The following CHST11 variants were observed in gnomAD, a reference collection of about 807,000 sequenced individuals.
CHST11 encodes carbohydrate sulfotransferase 11, also known as C4S-1.
A neutral mutation model predicts 30.4 loss-of-function variants in CHST11; 9 were observed. That is an observed-to-expected ratio of 0.30 (90% CI 0.18 to 0.52). The LOEUF (loss-of-function observed/expected upper bound fraction) is 0.52. Among genes scored for constraint, CHST11 ranks in the 20% least tolerant of loss-of-function variants. The probability of loss-of-function intolerance (pLI) is 0.97; values close to 1 mark genes in which losing one functional copy is unlikely to be tolerated. For synonymous variants in CHST11, 152 were observed against 187.8 expected (o/e 0.81, Z 1.56); for missense variants, 348 against 460.6 (o/e 0.76, Z 2.24).
At chr12:104,465,228 T>G (rs1215423883) in intron 1 of CHST11, among the ~76,000 whole-genome samples, 2 of 152,232 alleles carry the variant, frequency 1.3e-5, no homozygotes, top group African/African-American at 4.8e-5. Context: ...TCTTGAGTAC[T>G]TGCTTCTCAA....
rs916215715 is a variant in CHST11, at chr12:104,673,714, C to G, written c.204+71723C>G. ...CATGTAGCACAGCACATTCACAAACCGTTTGTTTCGACTTTTCGACCTACT... is the reference window on the plus strand; with the variant it reads ...CATGTAGCACAGCACATTCACAAACGGTTTGTTTCGACTTTTCGACCTACT... On this transcript the variant is annotated intron_variant, in intron 2 of 2. Coordinates refer to ENST00000303694, the MANE Select transcript of CHST11 (RefSeq NM_018413.6). 3.9e-5 allele frequency among the ~76,000 whole-genome samples: 6 copies of G among 152,180 alleles called. No homozygotes were observed. The South Asian group carries it at 1.2e-3, about 32-fold the overall frequency.
At chr12:104,473,908 A>G (rs1593954271) in intron 1 of CHST11, among the ~76,000 whole-genome samples, 2 of 152,050 alleles carry the variant, frequency 1.3e-5, no homozygotes, top group African/African-American at 4.8e-5. Context: ...TTAAAACATC[A>G]CCATCATCAC....
intron 1 of CHST11, among the ~76,000 whole-genome samples, chr12:104,496,325 C>A (rs189204588): frequency 2.0e-5 from 3 of 152,176 alleles, no homozygotes; most frequent in African/African-American, 7.2e-5. Context: ...AATAAAAAAT[C>A]AATGTGACAC....
rs1387059529 is a variant in CHST11, at chr12:104,757,318, C to T, written c.574C>T (p.Leu192=). 6.2e-7 allele frequency: 1 copy of T among 1,614,012 alleles called. No individual in the cohort carries two copies. Among genetic ancestry groups the T allele is most frequent in the Non-Finnish European group, 8.5e-7 (1 of 1,180,054 alleles). ...FLFVREPFER[L]VSAYRNKFTQ... ...GTTTGTCCGGGAGCCCTTCGAGAGGCTAGTGTCCGCCTACCGCAACAAGTT... is the reference window on the plus strand; with the variant it reads ...GTTTGTCCGGGAGCCCTTCGAGAGGTTAGTGTCCGCCTACCGCAACAAGTT... The change falls in exon 3 of 3, where the codon CTA becomes TTA. Residue 192 remains leucine (L), a synonymous_variant. Transcript: ENST00000303694. The surrounding 1 kb of genome is among the most constrained non-coding windows in gnomAD (Gnocchi z 6.5).
chr12:104,745,503 C>T (rs2040382954), intron 2 of CHST11, among the ~76,000 whole-genome samples: 1 of 152,214 alleles, frequency 6.6e-6, no homozygotes, highest in Non-Finnish European at 1.5e-5. Flanking sequence ...ATAGGAATAG[C>T]ATTGAATATA....
chr12:104,731,033 C>T (rs1056555796), intron 2 of CHST11, among the ~76,000 whole-genome samples: 11 of 152,208 alleles, frequency 7.2e-5, no homozygotes, highest in Non-Finnish European at 1.2e-4. Flanking sequence ...ATTTGCTGTC[C>T]GTGCTCCACT....
intron 2 of CHST11, chr12:104,602,242 T>C: frequency 1.9e-6 from 1 of 518,404 alleles, no homozygotes. Context: ...GGGTTTGAAC[T>C]CCTGAGATTA....
intron 2 of CHST11, among the ~76,000 whole-genome samples, chr12:104,609,377 T>C (rs1193920407): frequency 6.6e-6 from 1 of 152,208 alleles, no homozygotes; most frequent in African/African-American, 2.4e-5. Context: ...GGAGAATGCT[T>C]CATTATTAAT....
chr12:104,554,499 G>A (rs561213779), intron 1 of CHST11, among the ~76,000 whole-genome samples: 1 of 152,194 alleles, frequency 6.6e-6, no homozygotes, highest in Non-Finnish European at 1.5e-5. Context: ...ATGATTCAGG[G>A]TATGTTCCTT....
intron 1 of CHST11, among the ~76,000 whole-genome samples, chr12:104,507,321 G>A (rs117993601): frequency 6.6e-6 from 1 of 152,210 alleles, no homozygotes; most frequent in Admixed American, 6.5e-5. Context: ...CCCCACCTGG[G>A]AGCCAGGCAG....
At chr12:104,696,202 T>G (rs552731506) in intron 2 of CHST11, among the ~76,000 whole-genome samples, 2 of 152,186 alleles carry the variant, frequency 1.3e-5, no homozygotes, top group East Asian at 3.9e-4. Context: ...CTTTTTTCCT[T>G]TTGTCTACTT....
chr12:104,602,651 T>C (rs929489882), intron 2 of CHST11, among the ~76,000 whole-genome samples: 1 of 152,202 alleles, frequency 6.6e-6, no homozygotes, highest in Non-Finnish European at 1.5e-5. Flanking sequence ...TGTGTGGGTC[T>C]TGATGTGGAG....
chr12:104,714,811 T>C (rs997952251), intron 2 of CHST11, among the ~76,000 whole-genome samples: 5 of 152,202 alleles, frequency 3.3e-5, no homozygotes, highest in African/African-American at 1.2e-4. Flanking sequence ...TTTGGGCTGG[T>C]CACTCATACT....
rs1828180737 is a variant in CHST11, at chr12:104,510,190, C to T, written c.118+52661C>T. ...TCATTTTCTGTTTAGTAAGACCTCACACATCAGTGTTTATGCAGGAGATAG... is the reference window on the plus strand; with the variant it reads ...TCATTTTCTGTTTAGTAAGACCTCATACATCAGTGTTTATGCAGGAGATAG... On this transcript the variant is annotated intron_variant, in intron 1 of 2. Coordinates refer to ENST00000303694, the MANE Select transcript of CHST11 (RefSeq NM_018413.6). Among the ~76,000 whole-genome samples the T allele has an allele frequency of 2.0e-5, 3 of 152,172 alleles. No homozygotes were observed. The South Asian group carries it at 6.2e-4, about 32-fold the overall frequency.
intron 1 of CHST11, among the ~76,000 whole-genome samples, chr12:104,474,472 T>C (rs901924645): frequency 3.9e-5 from 6 of 152,206 alleles, no homozygotes; most frequent in African/African-American, 1.4e-4. Flanking sequence ...TTCTTGGGAC[T>C]CTGCAGAGAA....
At chr12:104,567,195 A>C (rs920658155) in intron 1 of CHST11, among the ~76,000 whole-genome samples, 2 of 152,186 alleles carry the variant, frequency 1.3e-5, no homozygotes, top group Non-Finnish European at 2.9e-5. Flanking sequence ...ATATTTGGGA[A>C]AATGAGCTGC....
chr12:104,720,394 G>T (rs886284659), intron 2 of CHST11, among the ~76,000 whole-genome samples: 1 of 152,214 alleles, frequency 6.6e-6, no homozygotes, highest in African/African-American at 2.4e-5. Flanking sequence ...CGTCCAAGGC[G>T]TTTGGTGCTG....
intron 2 of CHST11, among the ~76,000 whole-genome samples, chr12:104,647,531 T>C (rs2039445952): frequency 1.3e-5 from 2 of 152,214 alleles, no homozygotes; most frequent in Non-Finnish European, 1.5e-5. Context: ...TATAAAAATA[T>C]ACATTTTTTT....
intron 1 of CHST11, among the ~76,000 whole-genome samples, chr12:104,493,600 G>A (rs1291719849): frequency 6.6e-6 from 1 of 152,192 alleles, no homozygotes; most frequent in African/African-American, 2.4e-5. Context: ...AGAGTTTGAA[G>A]GCCTGAAGGC....
Sources: allele counts gnomAD v4.1 joint callset (sites outside exome capture counted in the v4.1 genomes callset), GRCh38; gene constraint gnomAD v4.1.1; non-coding constraint Gnocchi (gnomAD v3.1); transcripts MANE v1.5; gene names NCBI Gene and HGNC (gene_info 2026-07-23, HGNC 2026-07-21).